The following GPC6 variants were observed in gnomAD, a reference collection of about 807,000 sequenced individuals.
GPC6 encodes glypican 6, also known as glypican-6.
GPC6 carries 14 observed loss-of-function variants against 55.2 expected under a neutral mutation model. The observed-to-expected ratio is 0.25, with a 90% CI of 0.17 to 0.40. The LOEUF (loss-of-function observed/expected upper bound fraction) is 0.40, where lower values mean the gene tolerates loss of function less well. GPC6 is among the 10% of genes least tolerant of loss of function. The pLI, the probability that GPC6 is intolerant of heterozygous loss-of-function variation, is 1.00. For synonymous variants in GPC6, 278 were observed against 259.6 expected (o/e 1.07, Z -0.68); for missense variants, 641 against 708.5 (o/e 0.90, Z 1.08).
At chr13:93,316,119 T>C (rs9516220) in intron 1 of GPC6, among the ~76,000 whole-genome samples, 23,441 of 152,024 alleles carry the variant, frequency 0.15, 2,268 homozygotes, top group Non-Finnish European at 0.22. Flanking sequence ...CCATGGTATA[T>C]TGCCTTCTAA....
At chr13:93,795,557 A>G (rs1886168734) in intron 2 of GPC6, among the ~76,000 whole-genome samples, 1 of 152,226 alleles carries the variant, frequency 6.6e-6, no homozygotes, top group Non-Finnish European at 1.5e-5. Flanking sequence ...GAAAGTAAGG[A>G]CTAAACAAAT....
intron 2 of GPC6, among the ~76,000 whole-genome samples, chr13:93,825,411 C>T (rs1252386075): frequency 6.6e-6 from 1 of 152,222 alleles, no homozygotes; most frequent in Non-Finnish European, 1.5e-5. Context: ...AGCACACAAG[C>T]TGCAGCTTGC....
At chr13:94,312,497 ACTGT>A (rs1336423763) in intron 6 of GPC6, among the ~76,000 whole-genome samples, 2 of 152,170 alleles carry the variant, frequency 1.3e-5, no homozygotes, top group African/African-American at 4.8e-5. Context: ...AAATCAGGAA[ACTGT>A]CTGTTGTTCA....
At chr13:93,925,831 T>C (rs1877829344) in intron 3 of GPC6, among the ~76,000 whole-genome samples, 1 of 152,198 alleles carries the variant, frequency 6.6e-6, no homozygotes, top group Non-Finnish European at 1.5e-5. Flanking sequence ...TTTCTGGCTG[T>C]TGGCTGAGTT....
intron 4 of GPC6, among the ~76,000 whole-genome samples, chr13:94,271,952 T>G (rs1188343392): frequency 6.6e-6 from 1 of 152,208 alleles, no homozygotes; most frequent in African/African-American, 2.4e-5. Flanking sequence ...GTTTTTTCAT[T>G]TTTTTAAAAC....
chr13:93,697,638 T>TA (rs1420639446), intron 2 of GPC6, among the ~76,000 whole-genome samples: 1 of 152,166 alleles, frequency 6.6e-6, no homozygotes, highest in African/African-American at 2.4e-5. Context: ...TACTGTCAAT[T>TA]AACCGTCCAT....
At chr13:93,816,957 A>G (rs1886874821) in intron 2 of GPC6, among the ~76,000 whole-genome samples, 1 of 152,176 alleles carries the variant, frequency 6.6e-6, no homozygotes, top group African/African-American at 2.4e-5. Flanking sequence ...CCTTCCCATT[A>G]ATAGACCCTT....
chr13:93,882,097 C>A (rs1875018637), intron 3 of GPC6, among the ~76,000 whole-genome samples: 1 of 147,420 alleles, frequency 6.8e-6, no homozygotes, highest in African/African-American at 2.5e-5. Flanking sequence ...TTCTTTCTTT[C>A]TTTTCTTTCG....
At chr13:94,015,775 G>T (rs1251379820) in intron 3 of GPC6, among the ~76,000 whole-genome samples, 3 of 152,074 alleles carry the variant, frequency 2.0e-5, no homozygotes. Flanking sequence ...TCCTTGAATG[G>T]TCTTTGCACG....
At chr13:94,190,280 A>T (rs1303215378) in intron 4 of GPC6, among the ~76,000 whole-genome samples, 2 of 151,670 alleles carry the variant, frequency 1.3e-5, no homozygotes, top group African/African-American at 4.9e-5. Flanking sequence ...AGATCGTGCC[A>T]TCGCACTCCA....
chr13:94,151,168 A>T (rs1887727142), intron 4 of GPC6, among the ~76,000 whole-genome samples: 1 of 152,032 alleles, frequency 6.6e-6, no homozygotes, highest in South Asian at 2.1e-4. Context: ...AAGCTTACTG[A>T]ATGGTCTAAT....
chr13:93,278,021 G>T (rs1877815924), intron 1 of GPC6, among the ~76,000 whole-genome samples: 1 of 152,118 alleles, frequency 6.6e-6, no homozygotes, highest in South Asian at 2.1e-4. Flanking sequence ...CCTGGAAAGA[G>T]TATATTGATA....
intron 1 of GPC6, among the ~76,000 whole-genome samples, chr13:93,240,986 G>C (rs1332995924): frequency 2.0e-5 from 3 of 152,122 alleles, no homozygotes; most frequent in Non-Finnish European, 2.9e-5. Flanking sequence ...TCTGGCTTGT[G>C]AGTTTTTTGC....
At chr13:93,519,382 G>A (rs192151475) in intron 1 of GPC6, among the ~76,000 whole-genome samples, 202 of 152,024 alleles carry the variant, frequency 1.3e-3, no homozygotes, top group African/African-American at 4.3e-3. Context: ...TAAAAGTGGG[G>A]CAATTTCCAC....
intron 1 of GPC6, among the ~76,000 whole-genome samples, chr13:93,343,073 A>G (rs1880313867): frequency 1.3e-5 from 2 of 152,200 alleles, no homozygotes; most frequent in Non-Finnish European, 2.9e-5. Context: ...AAATATATAA[A>G]TAAATAGATG....
chr13:93,706,452 T>TAATC (rs1263598231), intron 2 of GPC6, among the ~76,000 whole-genome samples: 1 of 151,928 alleles, frequency 6.6e-6, no homozygotes, highest in African/African-American at 2.4e-5. Context: ...TATCTGCATG[T>TAATC]AATCACTTTA....
chr13:94,037,661 C>G (rs1883385714), intron 4 of GPC6, among the ~76,000 whole-genome samples: 1 of 151,914 alleles, frequency 6.6e-6, no homozygotes, highest in Non-Finnish European at 1.5e-5. Context: ...GTGACCTGTT[C>G]AAGGTCATAC....
At chr13:94,008,870 T>C (rs1882127367) in intron 3 of GPC6, among the ~76,000 whole-genome samples, 1 of 152,184 alleles carries the variant, frequency 6.6e-6, no homozygotes, top group South Asian at 2.1e-4. Context: ...TGTATTTCCA[T>C]TATAATTCCC....
At chr13:94,338,923 C>T (rs1347636180) in intron 6 of GPC6, among the ~76,000 whole-genome samples, 1 of 152,142 alleles carries the variant, frequency 6.6e-6, no homozygotes, top group Non-Finnish European at 1.5e-5. Context: ...TTGCCCATAG[C>T]TGGAGAAGGG....
Sources: allele counts gnomAD v4.1 joint callset (sites outside exome capture counted in the v4.1 genomes callset), GRCh38; gene constraint gnomAD v4.1.1; transcripts MANE v1.5; gene names NCBI Gene and HGNC (gene_info 2026-07-23, HGNC 2026-07-21).